CFAP410: variants seen among roughly 807,000 people sequenced by gnomAD.
CFAP410 encodes cilia and flagella associated protein 410.
In CFAP410, 27 loss-of-function variants were observed where a neutral mutation model predicts 25.7. That is an observed-to-expected ratio of 1.05 (90% CI 0.77 to 1.45). The LOEUF (loss-of-function observed/expected upper bound fraction) is 1.45. CFAP410 is among the 40% of genes most tolerant of loss of function. The probability of loss-of-function intolerance (pLI) is 0.00; values close to 1 mark genes in which losing one functional copy is unlikely to be tolerated. For synonymous variants in CFAP410, 178 were observed against 158.4 expected, an observed-to-expected ratio of 1.12 and a Z score of -0.93; for missense variants, 428 against 354.1, an observed-to-expected ratio of 1.21 and a Z score of -1.67.
At chr21:44,331,667 T>C (rs1379854386) in intron 5 of CFAP410, 176 bp downstream of exon 5, 4 of 615,060 alleles carry the variant, frequency 6.5e-6, no homozygotes, top group Non-Finnish European at 1.1e-5. Context: ...CTGAAATCAC[T>C]ACCTGGGCAC....
At position 44,330,104 on chromosome 21, in the gene CFAP410, G is replaced by C; in HGVS notation, c.*94C>G. Reference sequence around the variant, plus strand: ...CCGGGGAGGCTTTTGTGTGGGGCCGGGGCTGCGGCCATGGCAGCCACCCTC... The same window carrying C: ...CCGGGGAGGCTTTTGTGTGGGGCCGCGGCTGCGGCCATGGCAGCCACCCTC... On this transcript the variant is annotated 3_prime_UTR_variant, in exon 7 of 7. Coordinates refer to ENST00000339818, the MANE Select transcript of CFAP410 (RefSeq NM_004928.3). The C allele has an allele frequency of 2.2e-6, 3 of 1,391,300 alleles. No individual in the cohort carries two copies. Among genetic ancestry groups the C allele is most frequent in the Non-Finnish European group, 2.9e-6 (3 of 1,028,982 alleles). 86.2% of individuals were successfully genotyped at this position (1,391,300 alleles called of 1,614,324 possible). A position where few individuals can be genotyped will look rare whatever the true frequency, so the allele number is the denominator to read the frequency against.
In CFAP410 at chr21:44,330,160, G is replaced by T. The variant is rs368976859; in HGVS notation, c.*38C>A. The T allele has an allele frequency of 2.2e-5, 34 of 1,540,324 alleles. 2 individuals are homozygous for T. The South Asian group carries it at 3.2e-4, about 15-fold the overall frequency. ...CCCGGGGGCTGGGGAAGACGCTGGGGTCCCCGTGGAGGCTGGAGCGGCGTT... is the reference window on the plus strand; with the variant it reads ...CCCGGGGGCTGGGGAAGACGCTGGGTTCCCCGTGGAGGCTGGAGCGGCGTT... On this transcript the variant is annotated 3_prime_UTR_variant, in exon 7 of 7. Coordinates refer to ENST00000339818, the MANE Select transcript of CFAP410 (RefSeq NM_004928.3).
chr21:44,334,376 A>G, intron 3 of CFAP410: 1 of 422,204 alleles, frequency 2.4e-6, no homozygotes. Flanking sequence ...CACCGTGGGA[A>G]CCACAAGCTC....
At chr21:44,332,859 ATC>A in intron 4 of CFAP410, 172 bp downstream of exon 4, 3 of 610,222 alleles carry the variant, frequency 4.9e-6, no homozygotes, top group Non-Finnish European at 8.9e-6. Flanking sequence ...GGGTGGCGGG[ATC>A]AAGAGGAGAC....
At chr21:44,333,383 C>T in intron 3 of CFAP410, 121 bp from the exon 4 acceptor site, 1 of 760,274 alleles carries the variant, frequency 1.3e-6, no homozygotes, top group Non-Finnish European at 2.2e-6. Flanking sequence ...TCCTGAGAAG[C>T]CTAAATCGGA....
chr21:44,334,095 G>A lies in CFAP410; in HGVS notation c.144-833C>T, dbSNP rs934831290. The A allele has an allele frequency of 3.7e-5, 17 of 456,112 alleles. No individual in the cohort carries two copies. The Admixed American group carries it at 4.0e-4, about 11-fold the overall frequency. The allele number at this position is 456,112 out of a possible 1,614,324, so 28.3% of individuals were successfully genotyped here. On this transcript the variant is annotated intron_variant, in intron 3 of 6. Transcript: ENST00000339818. The stretch of plus-strand genomic sequence containing the variant: ...AACTCCGGCTGTGGGACTCTTTCCA[G>A]GATGGGGTCTGCCTCAGGCACAGGC...
Position 44,330,025 on chromosome 21 carries a change from G to A in CFAP410, c.*173C>T, listed in dbSNP as rs1189007307. On this transcript the variant is annotated 3_prime_UTR_variant, in exon 7 of 7. Coordinates refer to ENST00000339818, the MANE Select transcript of CFAP410 (RefSeq NM_004928.3). ...ACTGGTGTAGACAGGCATCTCCACC[G>A]CCCCGGTTAGCCAGTACCTAACACC... is the stretch of plus-strand genomic sequence containing the variant. 1.5e-5 allele frequency: 10 copies of A among 676,666 alleles called. No homozygotes were observed. The highest frequency in any genetic ancestry group is 8.1e-4 in the Middle Eastern group (2 of 2,472). 41.9% of individuals were successfully genotyped at this position (676,666 alleles called of 1,614,324 possible).
intron 2 of CFAP410, 129 bp downstream of exon 2, chr21:44,337,518 AGT>A (rs1221626486): frequency 1.4e-6 from 1 of 702,246 alleles, no homozygotes; most frequent in African/African-American, 1.8e-5. Flanking sequence ...CAAAGTACCA[AGT>A]GTGGGACTGA....
chr21:44,335,386 T>G lies in CFAP410; in HGVS notation c.143+372A>C, dbSNP rs151158764. 9.5e-3 allele frequency: 2,743 copies of G among 287,536 alleles called. 27 individuals are homozygous for G. The highest frequency in any genetic ancestry group is 0.033 in the Middle Eastern group (31 of 942). The allele number at this position is 287,536 out of a possible 1,614,324, so 17.8% of individuals were successfully genotyped here. A position where few individuals can be genotyped will look rare whatever the true frequency, so the allele number is the denominator to read the frequency against. ...GACTCTGGGGGTCCCAGGGCAGATG[T>G]GGCCACCGTGGGGGCGGCCAGGGCG... On this transcript the variant is annotated intron_variant, in intron 3 of 6. Coordinates refer to ENST00000339818, the MANE Select transcript of CFAP410 (RefSeq NM_004928.3).
chr21:44,335,501 C>T, intron 3 of CFAP410: 1 of 566,680 alleles, frequency 1.8e-6, no homozygotes, highest in African/African-American at 1.9e-5. Flanking sequence ...CAAGGGTGGG[C>T]AGGCGTACAG....
rs990381585 is a variant in CFAP410, at chr21:44,329,232, C to T, written c.*966G>A. On this transcript the variant is annotated 3_prime_UTR_variant, in exon 7 of 7. Transcript: ENST00000339818. The stretch of plus-strand genomic sequence containing the variant: ...GCCCCGAGCTTGGGAGAACAGCGGC[C>T]TGCACACACGGTCACGCATCACCGC... 3 of 152,316 alleles carry T rather than the reference C, an allele frequency of 2.0e-5. No homozygotes were observed. Among genetic ancestry groups the T allele is most frequent in the Admixed American group, 6.5e-5 (1 of 15,290 alleles). The allele number at this position is 152,316 out of a possible 1,614,324, so 9.4% of individuals were successfully genotyped here.
chr21:44,334,531 C>CCCCCCT (rs2047717624), intron 3 of CFAP410: 6 of 24,976 alleles, frequency 2.4e-4, no homozygotes, highest in Admixed American at 1.5e-3. Context: ...CCCCCCCCCC[C>CCCCCCT]CCGCTCAACC....
chr21:44,331,034 C>T (rs953548847), intron 5 of CFAP410, 115 bp from the exon 6 acceptor site: 30 of 963,632 alleles, frequency 3.1e-5, no homozygotes, highest in Non-Finnish European at 4.5e-5. Context: ...ACAAATCCCA[C>T]CTGGCACACG....
In CFAP410 at chr21:44,330,872, T is replaced by C. The variant is rs1231914467; in HGVS notation, c.593A>G (p.Gln198Arg). 3 of 1,604,662 alleles carry C rather than the reference T, an allele frequency of 1.9e-6. No homozygotes were observed. Among genetic ancestry groups the C allele is most frequent in the South Asian group, 1.1e-5 (1 of 90,252 alleles). ...ATCCCTGGCTGAGAGGGAAGGAAAC[T>C]GGCCCCGGGAAGGCGGCTTCAGGCC... ...ERGLKPPSRG[Q>R]FPSLSARDAS... The change falls in exon 6 of 7, where the codon CAG becomes CGG. Residue 198 changes from glutamine (Q) to arginine (R), a missense_variant. Transcript: ENST00000339818.
intron 2 of CFAP410, among the ~76,000 whole-genome samples, chr21:44,336,650 C>T (rs989454629): frequency 2.0e-5 from 3 of 152,104 alleles, no homozygotes; most frequent in Admixed American, 6.5e-5. Flanking sequence ...GGACATGGTA[C>T]GTTTGTATAT....
At chr21:44,338,339 G>C in intron 1 of CFAP410, 2 of 1,288,318 alleles carry the variant, frequency 1.6e-6, no homozygotes, top group Non-Finnish European at 2.0e-6. Flanking sequence ...ACTCTGCTGA[G>C]TCCCCAGGGA....
At position 44,339,280 on chromosome 21, in the gene CFAP410, C is replaced by G; in HGVS notation, c.-86G>C. 1 of 835,552 alleles carries G rather than the reference C, an allele frequency of 1.2e-6. No individual in the cohort carries two copies. Among genetic ancestry groups the G allele is most frequent in the Non-Finnish European group, 1.7e-6 (1 of 589,280 alleles). The allele number at this position is 835,552 out of a possible 1,614,324, so 51.8% of individuals were successfully genotyped here. A position where few individuals can be genotyped will look rare whatever the true frequency, so the allele number is the denominator to read the frequency against. On this transcript the variant is annotated 5_prime_UTR_variant, in exon 1 of 7. Coordinates refer to ENST00000339818, the MANE Select transcript of CFAP410 (RefSeq NM_004928.3). ...ACTGCGCGGCGCGTGTCTCCAGGGG[C>G]GGGGCCCGCGTCGTCAGGGGCGGAT...
At position 44,329,998 on chromosome 21, in the gene CFAP410, G is replaced by C; in HGVS notation, c.*200C>G. ...CCACAGAAGGGGAGTCCTGGGGACA[G>C]GACTGGTGTAGACAGGCATCTCCAC... On this transcript the variant is annotated 3_prime_UTR_variant, in exon 7 of 7. Coordinates refer to ENST00000339818, the MANE Select transcript of CFAP410 (RefSeq NM_004928.3). 1 of 601,012 alleles carries C rather than the reference G, an allele frequency of 1.7e-6. No homozygotes were observed. Among genetic ancestry groups the C allele is most frequent in the South Asian group, 2.1e-5 (1 of 48,716 alleles). The allele number at this position is 601,012 out of a possible 1,614,324, so 37.2% of individuals were successfully genotyped here.
At position 44,330,805 on chromosome 21, in the gene CFAP410, T is replaced by G. The variant is rs763283803; in HGVS notation, c.642+18A>C. 1.9e-6 allele frequency: 3 copies of G among 1,576,938 alleles called. No individual in the cohort carries two copies. ...AGTGGGCAGAGGCAGCCGCGGCCCC[T>G]AGCGGCCCGCCACTCACCCTGCCCC... On this transcript the variant is annotated intron_variant, in intron 6 of 6. Coordinates refer to ENST00000339818, the MANE Select transcript of CFAP410 (RefSeq NM_004928.3).
Sources: allele counts gnomAD v4.1 joint callset (sites outside exome capture counted in the v4.1 genomes callset), GRCh38; gene constraint gnomAD v4.1.1; transcripts MANE v1.5; gene names NCBI Gene and HGNC (gene_info 2026-07-23, HGNC 2026-07-21).